Variants in HIVEP1 observed in about 807,000 individuals in gnomAD.
HIVEP1 encodes HIVEP zinc finger 1, also known as zinc finger protein 40.
Under a neutral mutation model 180.0 loss-of-function variants are expected in HIVEP1, and 36 were observed. That is an observed-to-expected ratio of 0.20 (90% CI 0.15 to 0.26). The LOEUF is 0.26. Among genes scored for constraint, HIVEP1 ranks in the 10% least tolerant of loss-of-function variants. HIVEP1 has a pLI of 1.00. For missense variants in HIVEP1, 3,143 were observed against 3,268.7 expected, an observed-to-expected ratio of 0.96 and a Z score of 0.94; for synonymous variants, 1,239 against 1,239.0, an observed-to-expected ratio of 1.00 and a Z score of 0.00.
At chr6:12,192,087 A>G in the HIVEP1 span, among the ~76,000 whole-genome samples, 1 of 152,226 alleles carries the variant, frequency 6.6e-6, no homozygotes, top group African/African-American at 2.4e-5. Flanking sequence ...TTAAGTGTAC[A>G]AATTAATTTT....
intron 7 of HIVEP1, among the ~76,000 whole-genome samples, chr6:12,154,171 C>T (rs963557569): frequency 6.6e-6 from 1 of 152,214 alleles, no homozygotes; most frequent in African/African-American, 2.4e-5. Context: ...TGAATTTATT[C>T]TAGTCGTCTC....
chr6:12,029,845 T>G (rs1768824564), intron 2 of HIVEP1, among the ~76,000 whole-genome samples: 1 of 152,204 alleles, frequency 6.6e-6, no homozygotes, highest in Admixed American at 6.5e-5. Flanking sequence ...ATGAGAAACA[T>G]ACTAATAGGT....
chr6:12,114,909 G>A (rs1775123956), intron 3 of HIVEP1, among the ~76,000 whole-genome samples: 1 of 152,134 alleles, frequency 6.6e-6, no homozygotes, highest in South Asian at 2.1e-4. Context: ...TGACCTTCTG[G>A]CCGAGCATGA....
chr6:12,179,192 G>GA, the HIVEP1 span, among the ~76,000 whole-genome samples: 1 of 152,150 alleles, frequency 6.6e-6, no homozygotes, highest in African/African-American at 2.4e-5. Flanking sequence ...TGAGGCAAAT[G>GA]AATAATACAG....
chr6:12,121,972 A>G lies in HIVEP1; in HGVS notation c.2177A>G (p.Glu726Gly). The change falls in exon 4 of 9, where the codon GAA (glutamate) becomes GGA (glycine). Residue 726 changes from glutamate (E) to glycine (G), a missense_variant. By Grantham distance (98) the Glu-to-Gly change is moderately conservative. Coordinates refer to ENST00000379388, the MANE Select transcript of HIVEP1 (RefSeq NM_002114.4). The surrounding 1 kb of genome is among the most constrained non-coding windows in gnomAD (Gnocchi z 5.3). The stretch of plus-strand genomic sequence containing the variant: ...ACACCCTCTGCTTTGCCCACAGGGG[A>G]AAAGGCATTGCTTTTACCAGGTCAG... The part of the protein sequence containing the change: ...TSTPSALPTG[E>G]KALLLPGQMR... 2 of 1,613,964 alleles carry G rather than the reference A, an allele frequency of 1.2e-6. No individual in the cohort carries two copies. The highest frequency in any genetic ancestry group is 1.7e-6 in the Non-Finnish European group (2 of 1,179,898).
At chr6:12,108,693 C>T (rs907554179) in intron 3 of HIVEP1, among the ~76,000 whole-genome samples, 5 of 152,148 alleles carry the variant, frequency 3.3e-5, no homozygotes, top group African/African-American at 4.8e-5. Flanking sequence ...GTGCGGGGCC[C>T]GCCAAGCCCA....
rs200989802 is a variant in HIVEP1 at position 12,050,591 on chromosome 6, AAAAAAAAT to A, written c.40+34932_40+34939del. Among the ~76,000 whole-genome samples, 924 of 152,128 alleles carry A rather than the reference AAAAAAAAT, an allele frequency of 6.1e-3. 4 individuals carry two copies. The highest frequency in any genetic ancestry group is 0.021 in the African/African-American group (867 of 41,492). ...ACAGAGAGAGACTCCGTCTCAAAAA[AAAAAAAAT>A]AAAAAAATTAAACACCATGGGTCCA... On this transcript the variant is annotated intron_variant, in intron 2 of 8. Coordinates refer to ENST00000379388, the MANE Select transcript of HIVEP1 (RefSeq NM_002114.4).
chr6:12,127,980 C>A (rs780036384), intron 4 of HIVEP1, among the ~76,000 whole-genome samples: 2 of 152,118 alleles, frequency 1.3e-5, no homozygotes, highest in African/African-American at 2.4e-5. Flanking sequence ...TGGGAAAGAA[C>A]AGATAGATGC....
rs538121925 is a variant in HIVEP1, at chr6:12,125,382, T to C, written c.5587T>C (p.Ser1863Pro). The change falls in exon 4 of 9, where the codon TCA (serine) becomes CCA (proline). Residue 1863 changes from serine to proline, a missense_variant. By Grantham distance (74) the Ser-to-Pro change is moderately conservative. This residue lies in a region of HIVEP1 where 1,357 missense variants were observed against 1,260.5 expected (regional missense o/e 1.08). Coordinates refer to ENST00000379388, the MANE Select transcript of HIVEP1 (RefSeq NM_002114.4). ...SELQEFENIK[S>P]STSLTLTVRS... Reference sequence around the variant, plus strand: ...ATTGCAGGAATTTGAAAACATCAAGTCATCCACATCATTAACTCTTACAGT... The same window carrying C: ...ATTGCAGGAATTTGAAAACATCAAGCCATCCACATCATTAACTCTTACAGT... The C allele has an allele frequency of 6.2e-7, 1 of 1,614,028 alleles. No individual in the cohort carries two copies. Among genetic ancestry groups the C allele is most frequent in the Non-Finnish European group, 8.5e-7 (1 of 1,179,904 alleles).
At chr6:12,139,523 A>C (rs1269339309) in intron 7 of HIVEP1, among the ~76,000 whole-genome samples, 1 of 152,214 alleles carries the variant, frequency 6.6e-6, no homozygotes, top group Non-Finnish European at 1.5e-5. Context: ...GAGCCAAAGC[A>C]GGGCAAGGCA....
At chr6:12,178,318 G>C in the HIVEP1 span, among the ~76,000 whole-genome samples, 1 of 152,226 alleles carries the variant, frequency 6.6e-6, no homozygotes, top group African/African-American at 2.4e-5. Flanking sequence ...TCCGGGCATG[G>C]TGGTGCCCAC....
chr6:12,074,324 T>C (rs1581631342), intron 2 of HIVEP1, among the ~76,000 whole-genome samples: 1 of 152,168 alleles, frequency 6.6e-6, no homozygotes, highest in East Asian at 1.9e-4. Context: ...ATTGGGAAAT[T>C]AAGAAAAGGA....
At chr6:12,050,024 C>T (rs1398729938) in intron 2 of HIVEP1, among the ~76,000 whole-genome samples, 1 of 152,094 alleles carries the variant, frequency 6.6e-6, no homozygotes, top group Non-Finnish European at 1.5e-5. Flanking sequence ...TCAGAGTCTG[C>T]CCCTGTTGCT....
chr6:12,037,300 G>C (rs1377418763), intron 2 of HIVEP1, among the ~76,000 whole-genome samples: 1 of 152,192 alleles, frequency 6.6e-6, no homozygotes, highest in East Asian at 1.9e-4. Context: ...TAATTTTTGA[G>C]CACCTTTTTT....
chr6:12,128,615 G>A (rs1758233918), intron 4 of HIVEP1, among the ~76,000 whole-genome samples: 1 of 152,106 alleles, frequency 6.6e-6, no homozygotes, highest in Admixed American at 6.5e-5. Context: ...CTTCCTCACT[G>A]GGATATATAG....
chr6:12,201,009 G>A, the HIVEP1 span, among the ~76,000 whole-genome samples: 1 of 152,188 alleles, frequency 6.6e-6, no homozygotes, highest in African/African-American at 2.4e-5. Context: ...TTGATTGAAT[G>A]TGTCATCATT....
the HIVEP1 span, among the ~76,000 whole-genome samples, chr6:12,190,854 C>T: frequency 6.6e-6 from 1 of 152,132 alleles, no homozygotes; most frequent in South Asian, 2.1e-4. Flanking sequence ...TTAATTCACC[C>T]ATTTAAGACC....
upstream of HIVEP1, chr6:12,008,381 T>C (rs1299941297): frequency 6.6e-6 from 1 of 152,130 alleles, no homozygotes; most frequent in East Asian, 1.9e-4. Context: ...ATCTTACAAG[T>C]TTGTGCTACG....
intron 2 of HIVEP1, among the ~76,000 whole-genome samples, chr6:12,055,388 C>A (rs573184333): frequency 6.6e-6 from 1 of 152,170 alleles, no homozygotes; most frequent in Middle Eastern, 3.4e-3. Flanking sequence ...CAGGAGAACC[C>A]CTTGAACTAG....
Sources: allele counts gnomAD v4.1 joint callset (sites outside exome capture counted in the v4.1 genomes callset), GRCh38; gene constraint gnomAD v4.1.1; regional missense constraint gnomAD v4.1.1; non-coding constraint Gnocchi (gnomAD v3.1); transcripts MANE v1.5; gene names NCBI Gene and HGNC (gene_info 2026-07-23, HGNC 2026-07-21).